TMEM163: variants seen among roughly 807,000 people sequenced by gnomAD.
TMEM163 encodes transmembrane protein 163.
In TMEM163, 17 loss-of-function variants were observed where a neutral mutation model predicts 29.3. The observed-to-expected ratio is 0.58, with a 90% CI of 0.40 to 0.87. The LOEUF is 0.87. TMEM163 is among the 40% of genes least tolerant of loss of function. The pLI, the probability that TMEM163 is intolerant of heterozygous loss-of-function variation, is 0.00. For synonymous variants in TMEM163, 157 were observed against 160.6 expected (o/e 0.98, Z 0.17); for missense variants, 303 against 381.5 (o/e 0.79, Z 1.71).
intron 4 of TMEM163, among the ~76,000 whole-genome samples, chr2:134,522,832 A>C (rs1680215258): frequency 6.6e-6 from 1 of 152,240 alleles, no homozygotes; most frequent in Non-Finnish European, 1.5e-5. Flanking sequence ...CTTGAATTAA[A>C]GTCACATGCT....
At chr2:134,488,113 G>A (rs867002430) in intron 5 of TMEM163, among the ~76,000 whole-genome samples, 28 of 152,284 alleles carry the variant, frequency 1.8e-4, no homozygotes, top group African/African-American at 5.5e-4. Context: ...AATATTAGGC[G>A]AAATTATTTG....
intron 2 of TMEM163, among the ~76,000 whole-genome samples, chr2:134,684,769 C>T (rs1375333963): frequency 6.6e-6 from 1 of 151,808 alleles, no homozygotes; most frequent in Non-Finnish European, 1.5e-5. Context: ...ACTAAAAATA[C>T]AAAAATTTGC....
intron 5 of TMEM163, among the ~76,000 whole-genome samples, chr2:134,489,380 C>T (rs1222273883): frequency 1.3e-5 from 2 of 151,860 alleles, no homozygotes; most frequent in Non-Finnish European, 2.9e-5. Flanking sequence ...GAGATCAAGA[C>T]CATCCCGGCC....
At chr2:134,661,929 C>CTTT (rs1328565759) in intron 2 of TMEM163, among the ~76,000 whole-genome samples, 1 of 121,248 alleles carries the variant, frequency 8.2e-6, no homozygotes, top group East Asian at 2.6e-4. Context: ...AATTTTCTTT[C>CTTT]TTTTTTTTTT....
chr2:134,501,038 A>G (rs1165571739), intron 5 of TMEM163, among the ~76,000 whole-genome samples: 1 of 152,236 alleles, frequency 6.6e-6, no homozygotes, highest in Non-Finnish European at 1.5e-5. Flanking sequence ...GATAATGGAT[A>G]TGGTAATTCA....
chr2:134,458,404 T>C, intron 6 of TMEM163: 2 of 553,158 alleles, frequency 3.6e-6, no homozygotes, highest in South Asian at 4.3e-5. Flanking sequence ...CTGCTTTATT[T>C]CTCTTCTGGG....
At position 134,709,430 on chromosome 2, in the gene TMEM163, C is replaced by T. The variant is rs1684882670; in HGVS notation, c.322+3770G>A. On this transcript the variant is annotated intron_variant, in intron 2 of 7. Transcript: ENST00000281924. The stretch of plus-strand genomic sequence containing the variant: ...TCAAGGCACAAACTTTGAAAGTCCA[C>T]CTAATTTTTCAAACTATACCAGACA... Among the ~76,000 whole-genome samples, 7 of 152,282 alleles carry T rather than the reference C, an allele frequency of 4.6e-5. 1 individual carries two copies. The South Asian group carries it at 1.4e-3, about 32-fold the overall frequency.
chr2:134,700,905 A>AATACATACATAC (rs1441916587), intron 2 of TMEM163, among the ~76,000 whole-genome samples: 2 of 141,662 alleles, frequency 1.4e-5, no homozygotes, highest in Non-Finnish European at 3.0e-5. Context: ...CTGTCTCGAA[A>AATACATACATAC]ATACATAAAT....
chr2:134,714,239 C>T lies in TMEM163; in HGVS notation c.203-920G>A, dbSNP rs16830950. On this transcript the variant is annotated intron_variant, in intron 1 of 7. Coordinates refer to ENST00000281924, the MANE Select transcript of TMEM163 (RefSeq NM_030923.5). ...CAGCATCTCTTAGTTGCACACAGTA[C>T]CACATTTTCAGCCATGCATTTACAT... 4.4e-3 allele frequency among the ~76,000 whole-genome samples: 667 copies of T among 152,256 alleles called. 18 individuals carry two copies. The East Asian group carries it at 0.066, about 15-fold the overall frequency.
intron 2 of TMEM163, among the ~76,000 whole-genome samples, chr2:134,674,779 T>C (rs1026737483): frequency 3.3e-5 from 5 of 152,006 alleles, no homozygotes; most frequent in Admixed American, 2.6e-4. Context: ...AAAACCACAA[T>C]CTTGCGCAAA....
chr2:134,593,695 C>T (rs959919650), intron 2 of TMEM163, among the ~76,000 whole-genome samples: 8 of 152,110 alleles, frequency 5.3e-5, no homozygotes, highest in Admixed American at 1.3e-4. Context: ...TTACTGCTTC[C>T]TGATCAGTCT....
chr2:134,563,041 A>G (rs1681217258), intron 2 of TMEM163, among the ~76,000 whole-genome samples: 1 of 152,202 alleles, frequency 6.6e-6, no homozygotes, highest in Non-Finnish European at 1.5e-5. Flanking sequence ...CCTTATATGC[A>G]ATGGCAAGCT....
intron 5 of TMEM163, among the ~76,000 whole-genome samples, chr2:134,500,953 GTATAA>G (rs1157725063): frequency 1.3e-5 from 2 of 152,080 alleles, no homozygotes; most frequent in Non-Finnish European, 1.5e-5. Flanking sequence ...GGTTATAATT[GTATAA>G]TATATCACAT....
At chr2:134,490,841 TA>T (rs1303380651) in intron 5 of TMEM163, among the ~76,000 whole-genome samples, 3 of 152,060 alleles carry the variant, frequency 2.0e-5, no homozygotes, top group Non-Finnish European at 4.4e-5. Flanking sequence ...GTGCACCACA[TA>T]ATCAGGGATA....
intron 2 of TMEM163, among the ~76,000 whole-genome samples, chr2:134,665,131 G>C (rs987246170): frequency 6.6e-6 from 1 of 152,034 alleles, no homozygotes; most frequent in Non-Finnish European, 1.5e-5. Flanking sequence ...TTGTTGTTTG[G>C]GGGTCCACAC....
intron 2 of TMEM163, among the ~76,000 whole-genome samples, chr2:134,712,425 T>G (rs186988486): frequency 6.6e-6 from 1 of 151,008 alleles, no homozygotes; most frequent in African/African-American, 2.5e-5. Flanking sequence ...TTCTGTTAGG[T>G]AATAAATTCG....
intron 2 of TMEM163, among the ~76,000 whole-genome samples, chr2:134,619,461 A>G (rs557560534): frequency 1.1e-4 from 16 of 152,364 alleles, no homozygotes; most frequent in Admixed American, 9.8e-4. Flanking sequence ...CCAAAATTCA[A>G]TGTAATATGC....
At chr2:134,500,765 TAGAAAG>T (rs2106486491) in intron 5 of TMEM163, among the ~76,000 whole-genome samples, 1 of 152,114 alleles carries the variant, frequency 6.6e-6, no homozygotes, top group East Asian at 1.9e-4. Flanking sequence ...ATGTGCGAAT[TAGAAAG>T]AGGTGATTGT....
At chr2:134,469,679 A>AC (rs1003889836) in intron 5 of TMEM163, 3 of 152,270 alleles carry the variant, frequency 2.0e-5, no homozygotes, top group Non-Finnish European at 4.4e-5. Context: ...GAGGGGCCGC[A>AC]CCGAGCCCAT....
Sources: allele counts gnomAD v4.1 joint callset (sites outside exome capture counted in the v4.1 genomes callset), GRCh38; gene constraint gnomAD v4.1.1; transcripts MANE v1.5; gene names NCBI Gene and HGNC (gene_info 2026-07-23, HGNC 2026-07-21).